STARD3: variants seen among roughly 807,000 people sequenced by gnomAD.
The protein encoded by STARD3 is StAR related lipid transfer domain containing 3.
Under a neutral mutation model 62.0 loss-of-function variants are expected in STARD3, and 39 were observed. That is an observed-to-expected ratio of 0.63 (90% CI 0.49 to 0.82). The LOEUF (loss-of-function observed/expected upper bound fraction) is 0.82. STARD3 is among the 40% of genes least tolerant of loss of function. STARD3 has a pLI of 0.00. For missense variants in STARD3, 543 were observed against 584.5 expected (o/e 0.93, Z 0.73); for synonymous variants, 229 against 242.4 (o/e 0.94, Z 0.51).
rs747453810 is a variant in STARD3 at position 39,660,562 on chromosome 17, G to C, written c.954+36G>C. On this transcript the variant is annotated intron_variant, in intron 11 of 14. Coordinates refer to ENST00000336308, the MANE Select transcript of STARD3 (RefSeq NM_006804.4). The surrounding 1 kb of genome is among the most constrained non-coding windows in gnomAD (Gnocchi z 4.8). ...TCTGGCTGCCTCTTAAGGCACAGAT[G>C]GGGGCACAGCCACGCCTCAGTGGGA... 6.2e-7 allele frequency: 1 copy of C among 1,606,436 alleles called. No individual in the cohort carries two copies. The highest frequency in any genetic ancestry group is 1.1e-5 in the South Asian group (1 of 90,904).
intron 1 of STARD3, among the ~76,000 whole-genome samples, chr17:39,645,540 G>A (rs1443609315): frequency 7.9e-5 from 12 of 152,058 alleles, no homozygotes; most frequent in Non-Finnish European, 1.5e-4. Flanking sequence ...TGTGATCTCG[G>A]CTCACTGCAA....
chr17:39,655,119 C>T (rs2057114982), intron 2 of STARD3, among the ~76,000 whole-genome samples: 1 of 152,248 alleles, frequency 6.6e-6, no homozygotes, highest in Admixed American at 6.5e-5. Context: ...TAAAACTTAC[C>T]TGCATCCTTC....
At chr17:39,640,895 G>A (rs1398634246) in intron 1 of STARD3, among the ~76,000 whole-genome samples, 1 of 152,186 alleles carries the variant, frequency 6.6e-6, no homozygotes, top group Admixed American at 6.5e-5. Flanking sequence ...CAGAAGGAAA[G>A]GAGAAACAGA....
At chr17:39,638,898 T>C (rs1371442371) in intron 1 of STARD3, among the ~76,000 whole-genome samples, 1 of 152,178 alleles carries the variant, frequency 6.6e-6, no homozygotes, top group African/African-American at 2.4e-5. Flanking sequence ...CCTAGTACTT[T>C]GGGAGGCAAG....
At chr17:39,658,860 G>T (rs777897600) in intron 7 of STARD3, 40 bp downstream of exon 7, 51 of 1,605,658 alleles carry the variant, frequency 3.2e-5, no homozygotes, top group Middle Eastern at 3.3e-4. Flanking sequence ...TCAGGGAGGG[G>T]CCTTGTGAGG....
chr17:39,654,726 C>T (rs1164208873), intron 2 of STARD3, among the ~76,000 whole-genome samples: 1 of 152,246 alleles, frequency 6.6e-6, no homozygotes, highest in Non-Finnish European at 1.5e-5. Context: ...CCCTCGTTTT[C>T]CTTCTGCAGC....
Position 39,658,700 on chromosome 17 carries a change from G to T in STARD3, c.548-22G>T, listed in dbSNP as rs751036114. ...GCTAGGGTGTAACTGTCCTCGGTCCGGGACCGAGTCTGCTCCTCCAGGGTA... is the reference window on the plus strand; with the variant it reads ...GCTAGGGTGTAACTGTCCTCGGTCCTGGACCGAGTCTGCTCCTCCAGGGTA... On this transcript the variant is annotated intron_variant, in intron 6 of 14. Coordinates refer to ENST00000336308, the MANE Select transcript of STARD3 (RefSeq NM_006804.4). 4 of 1,612,976 alleles carry T rather than the reference G, an allele frequency of 2.5e-6. No homozygotes were observed. The South Asian group carries it at 4.4e-5, about 18-fold the overall frequency.
intron 13 of STARD3, chr17:39,661,393 A>G: frequency 2.4e-6 from 1 of 409,658 alleles, no homozygotes. Flanking sequence ...CCATGTGCTC[A>G]CTCTGGGCTG....
At chr17:39,657,117 G>A (rs370855611) in intron 3 of STARD3, 32 bp downstream of exon 3, 27 of 1,607,398 alleles carry the variant, frequency 1.7e-5, no homozygotes, top group Admixed American at 3.3e-5. Context: ...TGGGGACCCC[G>A]GAGGCAGAGA....
chr17:39,647,436 C>T (rs1320756421), intron 1 of STARD3, among the ~76,000 whole-genome samples: 1 of 152,140 alleles, frequency 6.6e-6, no homozygotes, highest in Non-Finnish European at 1.5e-5. Context: ...TCCCAGGGGG[C>T]TGGGCTGTCT....
intron 1 of STARD3, among the ~76,000 whole-genome samples, chr17:39,645,513 G>A (rs1207882084): frequency 6.6e-6 from 1 of 152,130 alleles, no homozygotes; most frequent in East Asian, 1.9e-4. Context: ...TGTGTCACCC[G>A]GGCGGGGGTG....
rs2057135385 is a variant in STARD3 at position 39,656,891 on chromosome 17, TCAA to T, written c.220-114_220-112del. 1.5e-5 allele frequency: 15 copies of T among 984,512 alleles called. 1 individual carries two copies. The South Asian group carries it at 2.1e-4, about 14-fold the overall frequency. 61.0% of individuals were successfully genotyped at this position (984,512 alleles called of 1,614,324 possible). A position where few individuals can be genotyped will look rare whatever the true frequency, so the allele number is the denominator to read the frequency against. ...GGGCCCCCTGGGTGGTGGCTTAGCA[TCAA>T]CAGCCTCCCCTCCAGGTTCCTCCAT... On this transcript the variant is annotated intron_variant, in intron 2 of 14. Transcript: ENST00000336308.
intron 3 of STARD3, among the ~76,000 whole-genome samples, chr17:39,657,514 G>A (rs556777030): frequency 3.1e-4 from 46 of 150,564 alleles, no homozygotes; most frequent in African/African-American, 7.1e-4. Context: ...GCGACAGAGC[G>A]AGACTCTGTC....
chr17:39,660,228 G>A lies in STARD3; in HGVS notation c.813G>A (p.Val271=). 2 of 1,614,094 alleles carry A rather than the reference G, an allele frequency of 1.2e-6. No homozygotes were observed. Among genetic ancestry groups the A allele is most frequent in the Non-Finnish European group, 1.7e-6 (2 of 1,180,026 alleles). Residue 271 remains valine (V), a synonymous_variant, in exon 10 of 15, where the codon GTG becomes GTA. Coordinates refer to ENST00000336308, the MANE Select transcript of STARD3 (RefSeq NM_006804.4). The surrounding 1 kb of genome is among the most constrained non-coding windows in gnomAD (Gnocchi z 4.8). ...FEKNNEYGDT[V]YTIEVPFHGK... is the part of the protein sequence containing the mutation. ...TGCCATAGGAATATGGGGACACCGT[G>A]TACACCATTGAAGTTCCCTTTCACG... is the stretch of plus-strand genomic sequence containing the variant.
chr17:39,650,672 G>A (rs2057069612), intron 1 of STARD3, among the ~76,000 whole-genome samples: 1 of 152,186 alleles, frequency 6.6e-6, no homozygotes, highest in South Asian at 2.1e-4. Context: ...GAATTAGCCT[G>A]GTGTGGTGGC....
At chr17:39,640,134 G>T (rs1378007606) in intron 1 of STARD3, among the ~76,000 whole-genome samples, 1 of 152,224 alleles carries the variant, frequency 6.6e-6, no homozygotes, top group Admixed American at 6.5e-5. Flanking sequence ...ATTAAGTTGA[G>T]CTCTCACACA....
chr17:39,641,710 A>G (rs1329293704), intron 1 of STARD3, among the ~76,000 whole-genome samples: 1 of 152,226 alleles, frequency 6.6e-6, no homozygotes, highest in Non-Finnish European at 1.5e-5. Flanking sequence ...CCCATTTTAC[A>G]GAAAAGGAGA....
chr17:39,657,888 G>A lies in STARD3; in HGVS notation c.375+36G>A, dbSNP rs111270742. The A allele has an allele frequency of 7.9e-5, 128 of 1,614,062 alleles. No individual in the cohort carries two copies. The African/African-American group carries it at 1.3e-3, about 16-fold the overall frequency. On this transcript the variant is annotated intron_variant, in intron 4 of 14. Coordinates refer to ENST00000336308, the MANE Select transcript of STARD3 (RefSeq NM_006804.4). ...ACTTTCCTGGCAGCTTCTGGGCCCT[G>A]GCAGGGCTGGTGGAAGGGATGGGAT...
Position 39,657,038 on chromosome 17 carries a change from C to T in STARD3, c.250C>T (p.Gln84Ter). The change falls in exon 3 of 15, where the codon CAG becomes TAG. Residue 84 changes from glutamine (Q) to a stop codon, truncating the protein, a stop_gained. Transcript: ENST00000336308. LOFTEE classifies it high-confidence loss of function. ...TNTGIRKNLE[Q>*]EIIQYNFKTS... ...CACAGGCATCCGTAAGAACTTGGAG[C>T]AGGAGATCATCCAGTACAACTTTAA... is the stretch of plus-strand genomic sequence containing the variant. The T allele has an allele frequency of 6.2e-7, 1 of 1,614,190 alleles. No homozygotes were observed. Among genetic ancestry groups the T allele is most frequent in the Non-Finnish European group, 8.5e-7 (1 of 1,180,034 alleles).
Sources: gnomAD v4.1 joint callset for allele counts (sites outside exome capture counted in the v4.1 genomes callset) on GRCh38, gnomAD v4.1.1 for gene constraint, Gnocchi (gnomAD v3.1) non-coding constraint, MANE v1.5 for transcripts, NCBI Gene and HGNC (gene_info 2026-07-23, HGNC 2026-07-21) for gene names.